LSS: variants seen among roughly 807,000 people sequenced by gnomAD.
The protein encoded by LSS is lanosterol synthase, also known as 2,3-epoxysqualene-lanosterol cyclase.
LSS carries 90 observed loss-of-function variants against 110.3 expected under a neutral mutation model. The observed-to-expected ratio is 0.82, with a 90% confidence interval of 0.69 to 0.97. LSS has a LOEUF of 0.97. Ranked by LOEUF, LSS falls within the 50% of genes least tolerant of loss-of-function variation. The probability of loss-of-function intolerance (pLI) is 0.00; values close to 1 mark genes in which losing one functional copy is unlikely to be tolerated. For missense variants in LSS, 927 were observed against 990.0 expected, an observed-to-expected ratio of 0.94 and a Z score of 0.85; for synonymous variants, 433 against 400.0, an observed-to-expected ratio of 1.08 and a Z score of -0.98.
At chr21:46,207,379 A>G (rs776266548) in intron 15 of LSS, 49 bp downstream of exon 15, 1 of 1,601,060 alleles carries the variant, frequency 6.2e-7, no homozygotes, top group Non-Finnish European at 8.5e-7. Flanking sequence ...CACGCAGCTC[A>G]TCTGCAGGAC....
chr21:46,191,255 T>A lies in LSS; in HGVS notation c.2068-20A>T. On this transcript the variant is annotated intron_variant, in intron 21 of 21. Coordinates refer to ENST00000397728, the MANE Select transcript of LSS (RefSeq NM_002340.6). ...GTTTTCCTAAAAGAACACAGAGAAA[T>A]AAACACAAAGGCTTCACCAGTCAGC... 1 of 1,613,724 alleles carries A rather than the reference T, an allele frequency of 6.2e-7. No homozygotes were observed. The highest frequency in any genetic ancestry group is 8.5e-7 in the Non-Finnish European group (1 of 1,179,850).
chr21:46,202,687 C>T (rs1051878616), intron 17 of LSS, among the ~76,000 whole-genome samples: 1 of 151,740 alleles, frequency 6.6e-6, no homozygotes, highest in Non-Finnish European at 1.5e-5. Flanking sequence ...AGTTCAAGAC[C>T]AGCCTGAGCA....
At chr21:46,191,462 C>T (rs987121996) in intron 21 of LSS, among the ~76,000 whole-genome samples, 4 of 152,204 alleles carry the variant, frequency 2.6e-5, no homozygotes, top group Non-Finnish European at 4.4e-5. Flanking sequence ...GCCAGGGTCA[C>T]CAGCCCCTCA....
At position 46,216,605 on chromosome 21, in the gene LSS, T is replaced by C. The variant is rs983781831; in HGVS notation, c.648-81A>G. ...GCCAGCATCCATACCTTGGGCCCTT[T>C]CAAGCACGAACACTGGTGGATGGCT... On this transcript the variant is annotated intron_variant, in intron 6 of 21. Transcript: ENST00000397728. The surrounding 1 kb of genome is among the most constrained non-coding windows in gnomAD (Gnocchi z 4.2). The C allele has an allele frequency of 2.1e-6, 3 of 1,443,470 alleles. No homozygotes were observed. Among genetic ancestry groups the C allele is most frequent in the African/African-American group, 1.4e-5 (1 of 69,952 alleles). The allele number at this position is 1,443,470 out of a possible 1,614,324, so 89.4% of individuals were successfully genotyped here. A position where few individuals can be genotyped will look rare whatever the true frequency, so the allele number is the denominator to read the frequency against.
intron 4 of LSS, 78 bp from the exon 5 acceptor site, chr21:46,222,053 T>C: frequency 6.5e-7 from 1 of 1,546,956 alleles, no homozygotes; most frequent in Non-Finnish European, 8.9e-7. Context: ...TCTGTGGAGT[T>C]TCCTCAGAAA....
chr21:46,207,488 C>T lies in LSS; in HGVS notation c.1407G>A (p.Glu469=), dbSNP rs1481393212. Residue 469 remains glutamate (E), a synonymous_variant, in exon 15 of 22, where the codon GAG becomes GAA. Coordinates refer to ENST00000397728, the MANE Select transcript of LSS (RefSeq NM_002340.6). ...TGTGCTCGGTGACATGGGGACACTT[C>T]TCCTGCAGGAGCAGCACAGCCTTCA... ...EALKAVLLLQ[E]KCPHVTEHIP... is the part of the protein sequence containing the mutation. 6.2e-7 allele frequency: 1 copy of T among 1,612,482 alleles called. No individual in the cohort carries two copies. Among genetic ancestry groups the T allele is most frequent in the South Asian group, 1.1e-5 (1 of 90,662 alleles).
chr21:46,198,684 C>T (rs911201712), intron 17 of LSS, among the ~76,000 whole-genome samples: 1 of 152,092 alleles, frequency 6.6e-6, no homozygotes, highest in East Asian at 1.9e-4. Flanking sequence ...GAAGAACAAA[C>T]AGATCAATGC....
At chr21:46,202,406 A>G (rs1253344465) in intron 17 of LSS, among the ~76,000 whole-genome samples, 1 of 149,818 alleles carries the variant, frequency 6.7e-6, no homozygotes, top group Non-Finnish European at 1.5e-5. Context: ...AAAAAAAAAA[A>G]ATAAATAAAA....
In LSS at chr21:46,228,578, G is replaced by A. The variant is rs775354439; in HGVS notation, c.36C>T (p.Gly12=). 7 of 1,592,134 alleles carry A rather than the reference G, an allele frequency of 4.4e-6. No individual in the cohort carries two copies. The highest frequency in any genetic ancestry group is 2.3e-5 in the East Asian group (1 of 44,372). Residue 12 remains glycine, a synonymous_variant, in exon 2 of 22, where the codon GGC becomes GGT. Transcript: ENST00000397728. ...CGGTGGCGGGCTCGGTCTTGTAGGG[G>A]CCCCCTCGGCGCCGCAGACACCTGA... ...TEGTCLRRRG[G]PYKTEPATDL...
chr21:46,199,830 G>A (rs771276592), intron 17 of LSS, among the ~76,000 whole-genome samples: 3 of 152,300 alleles, frequency 2.0e-5, no homozygotes, highest in South Asian at 4.1e-4. Flanking sequence ...AGAGGACTCC[G>A]GGGCAGTGAG....
intron 19 of LSS, among the ~76,000 whole-genome samples, chr21:46,195,051 G>A (rs1048902144): frequency 1.3e-5 from 2 of 152,194 alleles, no homozygotes; most frequent in African/African-American, 4.8e-5. Context: ...GACAGGGCTG[G>A]GAGAGAGTCC....
intron 5 of LSS, among the ~76,000 whole-genome samples, chr21:46,221,127 G>A (rs2080274477): frequency 6.9e-6 from 1 of 145,052 alleles, no homozygotes; most frequent in Non-Finnish European, 1.5e-5. Flanking sequence ...GGACAGCCCG[G>A]GGCTTGGAGA....
At position 46,216,322 on chromosome 21, in the gene LSS, C is replaced by T. The variant is rs1472050578; in HGVS notation, c.783+67G>A. 2 of 1,604,846 alleles carry T rather than the reference C, an allele frequency of 1.2e-6. No homozygotes were observed. Among genetic ancestry groups the T allele is most frequent in the Admixed American group, 1.7e-5 (1 of 59,860 alleles). On this transcript the variant is annotated intron_variant, in intron 7 of 21. Coordinates refer to ENST00000397728, the MANE Select transcript of LSS (RefSeq NM_002340.6). The surrounding 1 kb of genome is among the most constrained non-coding windows in gnomAD (Gnocchi z 4.2). ...TGAGTGGACAGGTGTGGTTAGATTC[C>T]AGAAGCCCCAGGCCCTGTGGGTCCC...
chr21:46,223,667 T>G (rs1490226836), intron 3 of LSS, among the ~76,000 whole-genome samples: 1 of 152,198 alleles, frequency 6.6e-6, no homozygotes, highest in Non-Finnish European at 1.5e-5. Context: ...TATCCCAATA[T>G]TATAATAATC....
Position 46,227,639 on chromosome 21 carries a change from G to A in LSS, c.232C>T (p.Leu78=). ...CCCACGTAAAATGTCATCCCGTTCAGAGCCCCCTCAAAGGCGGTGTGGGCT... is the reference window on the plus strand; with the variant it reads ...CCCACGTAAAATGTCATCCCGTTCAAAGCCCCCTCAAAGGCGGTGTGGGCT... ...PKAHTAFEGA[L]NGMTFYVGLQ... Residue 78 remains leucine (L), a synonymous_variant, in exon 3 of 22, where the codon CTG becomes TTG. Transcript: ENST00000397728. 2 of 1,613,712 alleles carry A rather than the reference G, an allele frequency of 1.2e-6. No individual in the cohort carries two copies. Among genetic ancestry groups the A allele is most frequent in the Non-Finnish European group, 1.7e-6 (2 of 1,179,976 alleles).
rs559065523 is a variant in LSS at position 46,216,671 on chromosome 21, C to T, written c.648-147G>A. The T allele has an allele frequency of 2.8e-5, 31 of 1,091,112 alleles. No individual in the cohort carries two copies. Among genetic ancestry groups the T allele is most frequent in the Non-Finnish European group, 3.7e-5 (29 of 786,778 alleles). 67.6% of individuals were successfully genotyped at this position (1,091,112 alleles called of 1,614,324 possible). A position where few individuals can be genotyped will look rare whatever the true frequency, so the allele number is the denominator to read the frequency against. On this transcript the variant is annotated intron_variant, in intron 6 of 21. Coordinates refer to ENST00000397728, the MANE Select transcript of LSS (RefSeq NM_002340.6). This position sits in a 1 kb window ranked among gnomAD's most constrained non-coding sequence, Gnocchi z 4.2. ...AGTGCATCTGCGGGCATTTCCCAAC[C>T]GTGCTCCTGAGGGGCACAGTTGAAC...
intron 2 of LSS, among the ~76,000 whole-genome samples, chr21:46,228,066 G>A (rs190518931): frequency 1.3e-5 from 2 of 152,308 alleles, no homozygotes; most frequent in Admixed American, 6.5e-5. Flanking sequence ...GGCTCGGCAG[G>A]AGACCCTGTT....
At chr21:46,227,250 T>C in intron 3 of LSS, 1 of 318,388 alleles carries the variant, frequency 3.1e-6, no homozygotes, top group Non-Finnish European at 5.8e-6. Flanking sequence ...CCACCTGGAA[T>C]GTCCATCCCA....
In LSS at chr21:46,222,903, G is replaced by T. The variant is rs117806396; in HGVS notation, c.320-165C>A. Among the ~76,000 whole-genome samples, 3,743 of 152,322 alleles carry T rather than the reference G, an allele frequency of 0.025. 68 individuals carry two copies. Among genetic ancestry groups the T allele is most frequent in the Middle Eastern group, 0.048 (14 of 294 alleles). ...CCCAGGCCCCCATGGGGAACTTTGG[G>T]AACAGGGCCAGAAGGAACGTCAGCC... On this transcript the variant is annotated intron_variant, in intron 3 of 21. Transcript: ENST00000397728.
Sources: gnomAD v4.1 joint callset for allele counts (sites outside exome capture counted in the v4.1 genomes callset) on GRCh38, gnomAD v4.1.1 for gene constraint, Gnocchi (gnomAD v3.1) non-coding constraint, MANE v1.5 for transcripts, NCBI Gene and HGNC (gene_info 2026-07-23, HGNC 2026-07-21) for gene names.